CPED1: variants seen among roughly 807,000 people sequenced by gnomAD.
CPED1 encodes the protein cadherin like and PC-esterase domain containing 1, also known as cadherin-like and PC-esterase domain-containing protein 1.
A neutral mutation model predicts 128.2 loss-of-function variants in CPED1; 114 were observed. The observed-to-expected ratio is 0.89, with a 90% CI of 0.76 to 1.04. The LOEUF (loss-of-function observed/expected upper bound fraction) is 1.04. Among genes scored for constraint, CPED1 ranks in the 50% least tolerant of loss-of-function variants. The pLI is 0.00. For synonymous variants in CPED1, 462 were observed against 426.7 expected, an observed-to-expected ratio of 1.08 and a Z score of -1.02; for missense variants, 1,211 against 1,207.1, an observed-to-expected ratio of 1.00 and a Z score of -0.05.
intron 5 of CPED1, among the ~76,000 whole-genome samples, chr7:121,087,609 A>G (rs1490257123): frequency 6.6e-6 from 1 of 151,702 alleles, no homozygotes; most frequent in Admixed American, 6.6e-5. Flanking sequence ...GGGTCTGCAC[A>G]GCCAAAATAT....
chr7:121,027,020 T>G (rs1441176277), intron 3 of CPED1, among the ~76,000 whole-genome samples: 1 of 142,396 alleles, frequency 7.0e-6, no homozygotes, highest in East Asian at 2.1e-4. Context: ...TTTTTTTTTT[T>G]GTAGAGAGGG....
intron 5 of CPED1, among the ~76,000 whole-genome samples, chr7:121,065,018 G>A (rs1422444846): frequency 6.6e-6 from 1 of 152,104 alleles, no homozygotes; most frequent in East Asian, 1.9e-4. Context: ...TTAAAACTTA[G>A]ATCTACATAG....
intron 21 of CPED1, 45 bp from the exon 22 acceptor site, chr7:121,271,239 A>T (rs1047419262): frequency 2.0e-6 from 3 of 1,517,764 alleles, no homozygotes; most frequent in Non-Finnish European, 2.7e-6. Flanking sequence ...ATCATAAAAC[A>T]ATCCTCTGGT....
intron 7 of CPED1, among the ~76,000 whole-genome samples, chr7:121,106,258 G>GAACGCATAGACAT (rs1794973784): frequency 6.6e-6 from 1 of 152,020 alleles, no homozygotes; most frequent in African/African-American, 2.4e-5. Context: ...CTAGGGTAAT[G>GAACGCATAGACAT]AACGCATAGA....
chr7:121,151,110 G>A (rs78998147), intron 16 of CPED1, among the ~76,000 whole-genome samples: 2,253 of 152,232 alleles, frequency 0.015, 35 homozygotes, highest in Middle Eastern at 0.031. Flanking sequence ...ACAAAGTTTG[G>A]CTCTATATAG....
chr7:121,074,964 A>G (rs1794085482), intron 5 of CPED1, among the ~76,000 whole-genome samples: 1 of 152,126 alleles, frequency 6.6e-6, no homozygotes, highest in African/African-American at 2.4e-5. Context: ...CATGGTCCAT[A>G]TGCTGGATTC....
chr7:121,174,635 A>G (rs1252514499), intron 16 of CPED1, among the ~76,000 whole-genome samples: 2 of 151,960 alleles, frequency 1.3e-5, no homozygotes, highest in African/African-American at 4.8e-5. Flanking sequence ...ATCCTGTAAT[A>G]TAGTTTGAAG....
At chr7:121,198,697 C>T (rs1797323273) in intron 16 of CPED1, among the ~76,000 whole-genome samples, 1 of 152,128 alleles carries the variant, frequency 6.6e-6, no homozygotes, top group Non-Finnish European at 1.5e-5. Context: ...AACTCAAAGC[C>T]GTTCATGTAG....
chr7:121,038,822 G>T (rs1792970186), intron 3 of CPED1, among the ~76,000 whole-genome samples: 1 of 151,858 alleles, frequency 6.6e-6, no homozygotes, highest in African/African-American at 2.4e-5. Context: ...GTGGGAATTT[G>T]CCTGACGTTT....
chr7:121,038,324 TAAG>T (rs1004804414), intron 3 of CPED1, among the ~76,000 whole-genome samples: 50 of 152,116 alleles, frequency 3.3e-4, no homozygotes, highest in African/African-American at 1.1e-3. Context: ...CTGCATGTAT[TAAG>T]AAGGGGCTTT....
chr7:121,182,987 T>C (rs1343739472), intron 16 of CPED1, among the ~76,000 whole-genome samples: 1 of 152,030 alleles, frequency 6.6e-6, no homozygotes, highest in East Asian at 1.9e-4. Context: ...TTCCTATCTT[T>C]GTCTTTTCAA....
chr7:121,295,774 A>G lies in CPED1; in HGVS notation c.*122A>G. On this transcript the variant is annotated 3_prime_UTR_variant, in exon 23 of 23. Transcript: ENST00000310396. ...TCGACCACACACACTTGTGCACACC[A>G]GCACATGCATGCACACCAGTACACA... 1 of 708,780 alleles carries G rather than the reference A, an allele frequency of 1.4e-6. No individual in the cohort carries two copies. The highest frequency in any genetic ancestry group is 2.6e-5 in the East Asian group (1 of 38,314). 43.9% of individuals were successfully genotyped at this position (708,780 alleles called of 1,614,324 possible).
At chr7:121,179,829 A>C (rs535703517) in intron 16 of CPED1, among the ~76,000 whole-genome samples, 4 of 152,166 alleles carry the variant, frequency 2.6e-5, no homozygotes, top group African/African-American at 9.6e-5. Flanking sequence ...AATAAATTAT[A>C]TTGCTTTGAT....
chr7:121,018,809 A>T (rs1177478764), intron 3 of CPED1, among the ~76,000 whole-genome samples: 2 of 152,068 alleles, frequency 1.3e-5, no homozygotes, highest in Non-Finnish European at 2.9e-5. Flanking sequence ...TTCTGAATAC[A>T]TATTGCACTT....
At chr7:121,020,294 C>A (rs1006230108) in intron 3 of CPED1, among the ~76,000 whole-genome samples, 1 of 151,978 alleles carries the variant, frequency 6.6e-6, no homozygotes, top group African/African-American at 2.4e-5. Context: ...CAAGGGCTGG[C>A]AAACTATAGT....
chr7:121,071,624 T>G (rs1793991512), intron 5 of CPED1, among the ~76,000 whole-genome samples: 1 of 152,032 alleles, frequency 6.6e-6, no homozygotes. Context: ...CAAATGATCC[T>G]TCTGCCTCCA....
chr7:121,232,036 G>T (rs1798152733), intron 16 of CPED1, among the ~76,000 whole-genome samples: 1 of 152,082 alleles, frequency 6.6e-6, no homozygotes, highest in African/African-American at 2.4e-5. Flanking sequence ...ACAAGGAGGA[G>T]CCAGGTGAAA....
intron 16 of CPED1, among the ~76,000 whole-genome samples, chr7:121,222,200 T>A (rs1797894818): frequency 6.6e-6 from 1 of 152,216 alleles, no homozygotes; most frequent in Non-Finnish European, 1.5e-5. Flanking sequence ...CAGCACCATT[T>A]ATTAAATAGG....
intron 16 of CPED1, among the ~76,000 whole-genome samples, chr7:121,149,883 A>G (rs1237719529): frequency 6.6e-6 from 1 of 152,174 alleles, no homozygotes; most frequent in African/African-American, 2.4e-5. Context: ...CCAGTCCCTG[A>G]TGCCCACATC....
Sources: gnomAD v4.1 joint callset for allele counts (sites outside exome capture counted in the v4.1 genomes callset) on GRCh38, gnomAD v4.1.1 for gene constraint, MANE v1.5 for transcripts, NCBI Gene and HGNC (gene_info 2026-07-23, HGNC 2026-07-21) for gene names.